The following PDGFD variants were observed in gnomAD, a reference collection of about 807,000 sequenced individuals.
PDGFD encodes platelet-derived growth factor D.
Under a neutral mutation model 44.7 loss-of-function variants are expected in PDGFD, and 30 were observed. That is an observed-to-expected ratio of 0.67 (90% confidence interval 0.50 to 0.91). The LOEUF (loss-of-function observed/expected upper bound fraction) is 0.91, where lower values mean the gene tolerates loss of function less well. Ranked by LOEUF, PDGFD falls within the 40% of genes least tolerant of loss-of-function variation. PDGFD has a pLI of 0.00. For synonymous variants in PDGFD, 173 were observed against 168.4 expected (o/e 1.03, Z -0.21); for missense variants, 445 against 457.8 (o/e 0.97, Z 0.25).
In PDGFD at chr11:104,037,226, C is replaced by A; in HGVS notation, c.125-36971G>T. The A allele has an allele frequency of 1.9e-6, 3 of 1,613,676 alleles. 1 individual carries two copies. Among genetic ancestry groups the A allele is most frequent in the Non-Finnish European group, 2.5e-6 (3 of 1,179,994 alleles). On this transcript the variant is annotated intron_variant, in intron 1 of 6. Coordinates refer to ENST00000393158, the MANE Select transcript of PDGFD (RefSeq NM_025208.5). Reference sequence around the variant, plus strand: ...GGCTTGGCGTCAGGAGAGAAGGTGGCCGGCCTGCAAGGTCTGGGCAGCCCC... The same window carrying A: ...GGCTTGGCGTCAGGAGAGAAGGTGGACGGCCTGCAAGGTCTGGGCAGCCCC...
At chr11:103,990,520 C>T (rs1479784121) in intron 3 of PDGFD, among the ~76,000 whole-genome samples, 1 of 152,154 alleles carries the variant, frequency 6.6e-6, no homozygotes, top group African/African-American at 2.4e-5. Context: ...CTATTTCCTC[C>T]CACTGCTATG....
intron 6 of PDGFD, among the ~76,000 whole-genome samples, chr11:103,925,720 T>C (rs866095236): frequency 0.022 from 2,420 of 112,196 alleles, 64 homozygotes; most frequent in African/African-American, 0.083. Context: ...CACACACATA[T>C]ATATATATAT....
At chr11:103,969,886 T>C (rs1461217781) in intron 3 of PDGFD, among the ~76,000 whole-genome samples, 1 of 152,066 alleles carries the variant, frequency 6.6e-6, no homozygotes, top group Non-Finnish European at 1.5e-5. Context: ...CAAAAGGTCA[T>C]CTTAGAAGAC....
chr11:104,043,523 G>A (rs1254134684), intron 1 of PDGFD, among the ~76,000 whole-genome samples: 1 of 152,148 alleles, frequency 6.6e-6, no homozygotes, highest in Non-Finnish European at 1.5e-5. Flanking sequence ...ACTATTAGGG[G>A]CTTAATCCTG....
chr11:103,967,759 C>T (rs1245361765), intron 3 of PDGFD, among the ~76,000 whole-genome samples: 3 of 152,144 alleles, frequency 2.0e-5, no homozygotes, highest in Non-Finnish European at 4.4e-5. Flanking sequence ...CTTTCTTCCA[C>T]CCATATCTTT....
Position 103,996,264 on chromosome 11 carries a change from A to T in PDGFD, c.330-19T>A. The T allele has an allele frequency of 1.9e-6, 3 of 1,583,658 alleles. No homozygotes were observed. Among genetic ancestry groups the T allele is most frequent in the African/African-American group, 1.4e-5 (1 of 73,758 alleles). On this transcript the variant is annotated intron_variant, in intron 2 of 6. Transcript: ENST00000393158. ...ATCATACCTAGAATCAATTGGACAT[A>T]ATGAACAAGTTTTGATTAAAGTAGA...
Position 104,103,011 on chromosome 11 carries a change from A to T in PDGFD, c.124+60793T>A, listed in dbSNP as rs555693047. On this transcript the variant is annotated intron_variant, in intron 1 of 6. Coordinates refer to ENST00000393158, the MANE Select transcript of PDGFD (RefSeq NM_025208.5). ...AGTTAATGGGGGCAGCACACCAACA[A>T]GGCACATGTATACATATGTAACAAA... Among the ~76,000 whole-genome samples the T allele has an allele frequency of 2.8e-4, 42 of 152,172 alleles. No individual in the cohort carries two copies. In the East Asian group the frequency reaches 7.7e-3, roughly 28 times the overall value.
At chr11:104,121,592 G>A (rs182540110) in intron 1 of PDGFD, among the ~76,000 whole-genome samples, 112 of 152,056 alleles carry the variant, frequency 7.4e-4, no homozygotes, top group Non-Finnish European at 1.3e-3. Context: ...AAACCTACAA[G>A]AATACAAGTT....
chr11:104,071,926 C>T (rs1860884072), intron 1 of PDGFD, among the ~76,000 whole-genome samples: 1 of 151,658 alleles, frequency 6.6e-6, no homozygotes, highest in Admixed American at 6.6e-5. Context: ...ACTTTCTATT[C>T]TATTCCACTA....
At chr11:104,161,945 A>AAGAG (rs111479124) in intron 1 of PDGFD, among the ~76,000 whole-genome samples, 30,321 of 137,678 alleles carry the variant, frequency 0.22, 2,948 homozygotes, top group Middle Eastern at 0.29. Context: ...GAACTAATCA[A>AAGAG]AGAGAGTGTG....
chr11:104,038,703 C>T (rs1344948668), intron 1 of PDGFD: 1 of 166,936 alleles, frequency 6.0e-6, no homozygotes, highest in Non-Finnish European at 1.5e-5. Context: ...TCTATTTCTC[C>T]TGCATTCAAA....
chr11:103,956,511 A>G (rs10791657), intron 3 of PDGFD, among the ~76,000 whole-genome samples: 55,219 of 111,304 alleles, frequency 0.5, 16,672 homozygotes, highest in African/African-American at 0.84. Context: ...GAATAGTACC[A>G]CAATAAACAT....
chr11:104,118,784 T>G (rs183095306), intron 1 of PDGFD, among the ~76,000 whole-genome samples: 18 of 72,416 alleles, frequency 2.5e-4, no homozygotes, highest in East Asian at 6.3e-4. Context: ...ATATAATATA[T>G]TATATATTAT....
At position 104,119,123 on chromosome 11, in the gene PDGFD, T is replaced by C. The variant is rs191926980; in HGVS notation, c.124+44681A>G. ...TATATAATATATTAATATAATATATTGATATAATATATAATATATTAATAT... is the reference window on the plus strand; with the variant it reads ...TATATAATATATTAATATAATATATCGATATAATATATAATATATTAATAT... On this transcript the variant is annotated intron_variant, in intron 1 of 6. Transcript: ENST00000393158. Among the ~76,000 whole-genome samples, 43 of 10,876 alleles carry C rather than the reference T, an allele frequency of 4.0e-3. 12 individuals are homozygous for C. The highest frequency in any genetic ancestry group is 7.2e-3 in the Admixed American group (4 of 554). The allele number at this position is 10,876 out of a possible 152,430, so 7.1% of individuals were successfully genotyped here.
In PDGFD at chr11:104,033,828, A is replaced by G. The variant is rs7128670; in HGVS notation, c.125-33573T>C. Among the ~76,000 whole-genome samples, 1,087 of 152,238 alleles carry G rather than the reference A, an allele frequency of 7.1e-3. 21 individuals carry two copies. Among genetic ancestry groups the G allele is most frequent in the African/African-American group, 0.025 (1,029 of 41,526 alleles). ...ACATCTCACATGATAATTGTTTCCA[A>G]ACTCAGGGGAAAGCACTAGTAATCT... is the stretch of plus-strand genomic sequence containing the variant. On this transcript the variant is annotated intron_variant, in intron 1 of 6. Coordinates refer to ENST00000393158, the MANE Select transcript of PDGFD (RefSeq NM_025208.5).
chr11:103,972,543 G>A (rs1003575446), intron 3 of PDGFD, among the ~76,000 whole-genome samples: 13 of 152,250 alleles, frequency 8.5e-5, no homozygotes, highest in African/African-American at 1.4e-4. Context: ...TCCTGGCTTC[G>A]TGACATTACA....
intron 1 of PDGFD, among the ~76,000 whole-genome samples, chr11:104,120,768 C>A (rs1040498441): frequency 6.6e-6 from 1 of 151,906 alleles, no homozygotes; most frequent in African/African-American, 2.4e-5. Context: ...TTCCCACTAT[C>A]CTGTCACAAG....
chr11:103,990,129 C>T (rs895875215), intron 3 of PDGFD, among the ~76,000 whole-genome samples: 20 of 152,228 alleles, frequency 1.3e-4, no homozygotes, highest in African/African-American at 4.1e-4. Context: ...AGATAAGAAA[C>T]CTTCCTCATC....
intron 1 of PDGFD, among the ~76,000 whole-genome samples, chr11:104,052,116 C>G (rs955549673): frequency 3.3e-5 from 5 of 152,194 alleles, no homozygotes; most frequent in East Asian, 1.9e-4. Flanking sequence ...CCATACAACA[C>G]ATGACCTTCT....
Sources: allele counts gnomAD v4.1 joint callset (sites outside exome capture counted in the v4.1 genomes callset), GRCh38; gene constraint gnomAD v4.1.1; transcripts MANE v1.5; gene names NCBI Gene and HGNC (gene_info 2026-07-23, HGNC 2026-07-21).